The following KCND3 variants were observed in gnomAD, a reference collection of about 807,000 sequenced individuals.
The protein encoded by KCND3 is potassium voltage-gated channel subfamily D member 3, also known as A-type voltage-gated potassium channel KCND3.
In KCND3, 9 loss-of-function variants were observed where a neutral mutation model predicts 51.1. That is an observed-to-expected ratio of 0.18 (90% CI 0.11 to 0.31). KCND3 has a LOEUF of 0.31. KCND3 is among the 10% of genes least tolerant of loss of function. The pLI is 1.00. For missense variants in KCND3, 526 were observed against 903.8 expected (o/e 0.58, Z 5.36); for synonymous variants, 349 against 368.0 (o/e 0.95, Z 0.59).
At chr1:111,813,008 G>A (rs1255453182) in intron 2 of KCND3, among the ~76,000 whole-genome samples, 1 of 152,182 alleles carries the variant, frequency 6.6e-6, no homozygotes, top group African/African-American at 2.4e-5. Flanking sequence ...CAAGTAGTGG[G>A]CAGGAGTGGG....
chr1:111,955,683 G>T (rs570985818), intron 2 of KCND3, among the ~76,000 whole-genome samples: 15 of 152,318 alleles, frequency 9.8e-5, no homozygotes, highest in South Asian at 8.3e-4. Context: ...ACACATGAGG[G>T]TCCAATAAAG....
chr1:111,956,321 G>A (rs1254492324), intron 2 of KCND3, among the ~76,000 whole-genome samples: 1 of 152,172 alleles, frequency 6.6e-6, no homozygotes, highest in Non-Finnish European at 1.5e-5. Context: ...AACGTCATCA[G>A]TGCTCCCGCC....
At chr1:111,814,712 A>G (rs1046853654) in intron 2 of KCND3, among the ~76,000 whole-genome samples, 2 of 152,278 alleles carry the variant, frequency 1.3e-5, no homozygotes, top group African/African-American at 4.8e-5. Flanking sequence ...AGTTATTGCC[A>G]GAAAACTGAT....
intron 2 of KCND3, among the ~76,000 whole-genome samples, chr1:111,906,358 A>G (rs772174277): frequency 6.6e-6 from 1 of 152,092 alleles, no homozygotes; most frequent in Non-Finnish European, 1.5e-5. Flanking sequence ...GGCAACATCC[A>G]GCCCATGTTG....
intron 2 of KCND3, among the ~76,000 whole-genome samples, chr1:111,816,734 C>G (rs1666108219): frequency 6.6e-6 from 1 of 152,224 alleles, no homozygotes; most frequent in Non-Finnish European, 1.5e-5. Context: ...TCATTTGTCT[C>G]AACTCATACA....
intron 6 of KCND3, among the ~76,000 whole-genome samples, chr1:111,778,098 C>A (rs1455685842): frequency 6.6e-6 from 1 of 152,208 alleles, no homozygotes; most frequent in Non-Finnish European, 1.5e-5. Context: ...GAAAGACCAG[C>A]CTGGCGGCAA....
chr1:111,983,639 G>A (rs551331383), intron 1 of KCND3, among the ~76,000 whole-genome samples: 19 of 152,020 alleles, frequency 1.2e-4, no homozygotes, highest in East Asian at 5.8e-4. Flanking sequence ...AAGCCGATCC[G>A]CGCTCACTGC....
chr1:111,988,472 G>A (rs1021903866), intron 1 of KCND3, among the ~76,000 whole-genome samples: 3 of 152,112 alleles, frequency 2.0e-5, no homozygotes, highest in African/African-American at 4.8e-5. Context: ...AAGTAGAGAC[G>A]AGGAAAAAAT....
intron 2 of KCND3, among the ~76,000 whole-genome samples, chr1:111,811,130 G>T (rs893696724): frequency 2.0e-5 from 3 of 152,172 alleles, no homozygotes; most frequent in African/African-American, 7.2e-5. Context: ...GTGTAATGGG[G>T]GAAGGTCCTG....
intron 2 of KCND3, among the ~76,000 whole-genome samples, chr1:111,875,118 A>G (rs1668995662): frequency 6.6e-6 from 1 of 152,138 alleles, no homozygotes; most frequent in African/African-American, 2.4e-5. Flanking sequence ...TCAAAGGAGG[A>G]GGGTTGAAGC....
intron 2 of KCND3, among the ~76,000 whole-genome samples, chr1:111,900,029 C>T (rs920435681): frequency 2.6e-5 from 4 of 152,138 alleles, no homozygotes; most frequent in Admixed American, 2.6e-4. Context: ...CAACTTGGCG[C>T]CACACAGGAG....
chr1:111,775,819 A>AGCC lies in KCND3; in HGVS notation c.*257_*258insGGC. 7.2e-5 allele frequency: 7 copies of AGCC among 97,704 alleles called. 1 individual carries two copies. Among genetic ancestry groups the AGCC allele is most frequent in the South Asian group, 5.8e-4 (3 of 5,202 alleles). The allele number at this position is 97,704 out of a possible 1,614,324, so 6.1% of individuals were successfully genotyped here. A position where few individuals can be genotyped will look rare whatever the true frequency, so the allele number is the denominator to read the frequency against. On this transcript the variant is annotated 3_prime_UTR_variant, in exon 8 of 8. Coordinates refer to ENST00000302127, the MANE Select transcript of KCND3 (RefSeq NM_001378969.1). ...GCCTATATCCCCCGGCCTATCCCCGACCCCCCCACCCTCCCTCCCTTCCTC... is the reference window on the plus strand; with the variant it reads ...GCCTATATCCCCCGGCCTATCCCCGAGCCCCCCCCCACCCTCCCTCCCTTCCTC...
Position 111,772,936 on chromosome 1 carries a change from A to G in KCND3, c.*3141T>C, listed in dbSNP as rs1225185572. On this transcript the variant is annotated 3_prime_UTR_variant, in exon 8 of 8. Coordinates refer to ENST00000302127, the MANE Select transcript of KCND3 (RefSeq NM_001378969.1). ...TTTTTCAGTCACTGGCCAATGAGTT[A>G]GACTTATGAAACCAATTCAGCATAC... 1 of 152,226 alleles carries G rather than the reference A, an allele frequency of 6.6e-6. No individual in the cohort carries two copies. Among genetic ancestry groups the G allele is most frequent in the Non-Finnish European group, 1.5e-5 (1 of 68,042 alleles). 9.4% of individuals were successfully genotyped at this position (152,226 alleles called of 1,614,324 possible).
chr1:111,920,741 C>T (rs1385776736), intron 2 of KCND3, among the ~76,000 whole-genome samples: 7 of 152,324 alleles, frequency 4.6e-5, no homozygotes, highest in South Asian at 2.1e-4. Flanking sequence ...GTCAAGCCAC[C>T]GGTAGCTCTG....
intron 2 of KCND3, among the ~76,000 whole-genome samples, chr1:111,835,507 C>T (rs1328288837): frequency 6.6e-6 from 1 of 152,146 alleles, no homozygotes; most frequent in Non-Finnish European, 1.5e-5. Flanking sequence ...AAAGACCCTG[C>T]TGATAAAACA....
rs1244987270 is a variant in KCND3, at chr1:111,912,991, G to A, written c.1106+68630C>T. On this transcript the variant is annotated intron_variant, in intron 2 of 7. Coordinates refer to ENST00000302127, the MANE Select transcript of KCND3 (RefSeq NM_001378969.1). ...CAATGTTTATAAAGTCCATACTAGT[G>A]TACAGTAATGTCTCAGGCCTTCATA... Among the ~76,000 whole-genome samples, 8 of 152,254 alleles carry A rather than the reference G, an allele frequency of 5.3e-5. No homozygotes were observed. The South Asian group carries it at 1.7e-3, about 32-fold the overall frequency.
chr1:111,777,309 A>T lies in KCND3; in HGVS notation c.1519-36T>A, dbSNP rs781478104. 20 of 1,610,232 alleles carry T rather than the reference A, an allele frequency of 1.2e-5. No homozygotes were observed. The South Asian group carries it at 1.9e-4, about 15-fold the overall frequency. ...CAGAAGGAGAAGAAGTAGGAAAAGG[A>T]GGTAGGGAGGAGAGAGGTAAGCCCC... On this transcript the variant is annotated intron_variant, in intron 6 of 7. Transcript: ENST00000302127.
At chr1:111,776,377 T>G in intron 7 of KCND3, 99 bp from the exon 8 acceptor site, 2 of 1,066,852 alleles carry the variant, frequency 1.9e-6, no homozygotes, top group South Asian at 1.4e-5. Context: ...ACTAGGAGGA[T>G]ATTTTGTTGT....
chr1:111,810,618 C>T (rs1321632762), intron 2 of KCND3, among the ~76,000 whole-genome samples: 1 of 152,186 alleles, frequency 6.6e-6, no homozygotes, highest in Non-Finnish European at 1.5e-5. Context: ...CTCTTTCCAG[C>T]CCTGGAGCTA....
Sources: gnomAD v4.1 joint callset for allele counts (sites outside exome capture counted in the v4.1 genomes callset) on GRCh38, gnomAD v4.1.1 for gene constraint, MANE v1.5 for transcripts, NCBI Gene and HGNC (gene_info 2026-07-23, HGNC 2026-07-21) for gene names.